MAP1LC3C: variants seen among roughly 807,000 people sequenced by gnomAD.
MAP1LC3C encodes the protein microtubule-associated protein 1 light chain 3 gamma.
A neutral mutation model predicts 10.4 loss-of-function variants in MAP1LC3C; 12 were observed. The ratio of observed to expected loss-of-function variants is 1.15; its 90% CI spans 0.74 to 1.86. The LOEUF is 1.86. Among genes scored for constraint, MAP1LC3C ranks in the 40% most tolerant of loss-of-function variants. The probability of loss-of-function intolerance (pLI) is 0.00; values close to 1 mark genes in which losing one functional copy is unlikely to be tolerated. For missense variants in MAP1LC3C, 177 were observed against 185.7 expected (o/e 0.95, Z 0.27); for synonymous variants, 70 against 69.0 (o/e 1.01, Z -0.07).
chr1:241,997,618 C>T (rs971938716), intron 3 of MAP1LC3C, among the ~76,000 whole-genome samples: 2 of 152,162 alleles, frequency 1.3e-5, no homozygotes, highest in African/African-American at 2.4e-5. Flanking sequence ...ACTTACTCAT[C>T]GGGTATATTT....
At chr1:241,996,505 C>T (rs1241103361) in intron 3 of MAP1LC3C, 120 bp from the exon 4 acceptor site, 3 of 785,150 alleles carry the variant, frequency 3.8e-6, no homozygotes, top group Non-Finnish European at 6.0e-6. Flanking sequence ...TTAGGAACTA[C>T]AAGGCTTCCC....
chr1:241,997,800 G>C (rs1665114286), intron 3 of MAP1LC3C, among the ~76,000 whole-genome samples: 1 of 152,102 alleles, frequency 6.6e-6, no homozygotes, highest in East Asian at 1.9e-4. Context: ...CCTTTGGGGA[G>C]AAGTCCCCAC....
At chr1:241,996,921 A>AAAAAAAAAAAAAAG (rs1558178762) in intron 3 of MAP1LC3C, among the ~76,000 whole-genome samples, 3 of 150,694 alleles carry the variant, frequency 2.0e-5, no homozygotes, top group Admixed American at 1.3e-4. Flanking sequence ...AAAAAAAAAA[A>AAAAAAAAAAAAAAG]AAAAGAAAAG....
In MAP1LC3C at chr1:241,998,542, T is replaced by A. The variant is rs1558179401; in HGVS notation, c.193A>T (p.Thr65Ser). 3 of 1,614,080 alleles carry A rather than the reference T, an allele frequency of 1.9e-6. No homozygotes were observed. The highest frequency in any genetic ancestry group is 1.1e-5 in the South Asian group (1 of 91,056). ...ATGATGCTGAGGAACTGGGTCATGG[T>A]CAGCTCCTGCGGGACCAGGAACTTG... ...KTKFLVPQELTMTQFLSIIRS... is the reference protein window; with the variant it reads ...KTKFLVPQELSMTQFLSIIRS... The change falls in exon 3 of 4, where the codon ACC becomes TCC. Residue 65 changes from threonine to serine, a missense_variant. Thr to Ser is a moderately conservative substitution (Grantham distance 58). Coordinates refer to ENST00000357246, the MANE Select transcript of MAP1LC3C (RefSeq NM_001004343.3).
chr1:241,995,559 A>C lies in MAP1LC3C; in HGVS notation c.*604T>G, dbSNP rs1665067461. On this transcript the variant is annotated 3_prime_UTR_variant, in exon 4 of 4. Transcript: ENST00000357246. ...CCCTCCCACATATACCACAGAAGAC[A>C]CTTAAAATATTATCTCTAGCTCATT... The C allele has an allele frequency of 6.6e-6, 1 of 152,256 alleles. No individual in the cohort carries two copies. Among genetic ancestry groups the C allele is most frequent in the Non-Finnish European group, 1.5e-5 (1 of 68,130 alleles). The allele number at this position is 152,256 out of a possible 1,614,324, so 9.4% of individuals were successfully genotyped here. A position where few individuals can be genotyped will look rare whatever the true frequency, so the allele number is the denominator to read the frequency against.
At chr1:241,999,224 C>T (rs970906041), upstream of MAP1LC3C, 127 of 435,196 alleles carry the variant, frequency 2.9e-4, no homozygotes, top group Non-Finnish European at 3.8e-4. Context: ...AATGGAATCG[C>T]CACCTGCTTG....
chr1:241,999,123 C>G (rs1574237838), upstream of MAP1LC3C: 1 of 1,474,938 alleles, frequency 6.8e-7, no homozygotes. Context: ...GAAGGAGGCC[C>G]TTATGTAGGG....
In MAP1LC3C at chr1:241,995,914, G is replaced by C. The variant is rs1665074196; in HGVS notation, c.*249C>G. 3 of 355,194 alleles carry C rather than the reference G, an allele frequency of 8.4e-6. No homozygotes were observed. The highest frequency in any genetic ancestry group is 1.5e-5 in the Non-Finnish European group (3 of 193,986). The allele number at this position is 355,194 out of a possible 1,614,324, so 22.0% of individuals were successfully genotyped here. ...AGCCTAGGCAATAGAGCAAGACCCT[G>C]TTTCAAAAAAAAAAAAATGATAATT... On this transcript the variant is annotated 3_prime_UTR_variant, in exon 4 of 4. Coordinates refer to ENST00000357246, the MANE Select transcript of MAP1LC3C (RefSeq NM_001004343.3).
Position 241,996,227 on chromosome 1 carries a change from C to A in MAP1LC3C, c.380G>T (p.Cys127Phe). 1 of 1,614,176 alleles carries A rather than the reference C, an allele frequency of 6.2e-7. No homozygotes were observed. The highest frequency in any genetic ancestry group is 8.5e-7 in the Non-Finnish European group (1 of 1,180,024). The change falls in exon 4 of 4, where the codon TGC becomes TTC. Residue 127 changes from cysteine to phenylalanine, a missense_variant. Physicochemically the swap from Cys to Phe is radical, Grantham distance 205. Transcript: ENST00000357246. ...ATCCCTGGGGGCTGCTGACTCCAGG[C>A]AGCCAAATGTCTCCTGGGAGGCGTA... ...MTYASQETFG[C>F]LESAAPRDGS...
intron 3 of MAP1LC3C, among the ~76,000 whole-genome samples, chr1:241,997,487 T>C (rs114557041): frequency 0.19 from 29,595 of 152,046 alleles, 3,001 homozygotes; most frequent in Middle Eastern, 0.34. Context: ...ACCACTGCAC[T>C]CCAGCCTAGG....
chr1:241,998,982 G>A lies in MAP1LC3C; in HGVS notation c.27C>T (p.Ser9=), dbSNP rs778093002. 1.2e-6 allele frequency: 2 copies of A among 1,610,696 alleles called. No individual in the cohort carries two copies. Among genetic ancestry groups the A allele is most frequent in the South Asian group, 1.1e-5 (1 of 90,430 alleles). ...TTTTCCTCTGCTTGAAGGGTCTGAC[G>A]CTTGGGATTTTCTGTGGAGGCGGCA... MPPPQKIP[S]VRPFKQRKSL... The change falls in exon 1 of 4, where the codon AGC becomes AGT. Residue 9 remains serine, a synonymous_variant. Coordinates refer to ENST00000357246, the MANE Select transcript of MAP1LC3C (RefSeq NM_001004343.3).
chr1:241,998,657 C>CGT (rs1467729627), intron 2 of MAP1LC3C, 37 bp from the exon 3 acceptor site: 1 of 1,606,156 alleles, frequency 6.2e-7, no homozygotes, highest in Non-Finnish European at 8.5e-7. Flanking sequence ...TGTGACTCAG[C>CGT]GTGAGTGTTA....
chr1:241,996,909 C>CAAAAAAAAAAA (rs71174887), intron 3 of MAP1LC3C, among the ~76,000 whole-genome samples: 8,792 of 42,374 alleles, frequency 0.21, 2,594 homozygotes, highest in South Asian at 0.23. Context: ...GACTGCGTCT[C>CAAAAAAAAAAA]AAAAAAAAAA....
chr1:241,998,407 C>T (rs1485264036), intron 3 of MAP1LC3C, 107 bp downstream of exon 3: 5 of 851,582 alleles, frequency 5.9e-6, no homozygotes, highest in African/African-American at 1.7e-5. Context: ...TTCCTCTCTT[C>T]CCCTGACGTG....
upstream of MAP1LC3C, chr1:241,999,127 T>C (rs1665148771): frequency 1.4e-6 from 2 of 1,466,108 alleles, no homozygotes; most frequent in Non-Finnish European, 1.8e-6. Flanking sequence ...GAGGCCCTTA[T>C]GTAGGGCTGA....
upstream of MAP1LC3C, among the ~76,000 whole-genome samples, chr1:242,001,159 C>A (rs1397736247): frequency 6.6e-6 from 1 of 152,104 alleles, no homozygotes; most frequent in Non-Finnish European, 1.5e-5. Flanking sequence ...TGCCTGTAAT[C>A]CCAGCTACTA....
intron 3 of MAP1LC3C, among the ~76,000 whole-genome samples, chr1:241,997,785 C>G (rs1460342694): frequency 1.3e-5 from 2 of 151,992 alleles, no homozygotes; most frequent in African/African-American, 2.4e-5. Flanking sequence ...GAGCAGGGAA[C>G]GTTTCCTTTG....
chr1:242,000,293 T>C (rs1238359650), upstream of MAP1LC3C, among the ~76,000 whole-genome samples: 2 of 152,186 alleles, frequency 1.3e-5, no homozygotes, highest in East Asian at 3.8e-4. Context: ...CAGGCTGGAA[T>C]GTAGTGGCAC....
At chr1:242,000,388 C>A (rs1558180120), upstream of MAP1LC3C, among the ~76,000 whole-genome samples, 1 of 152,170 alleles carries the variant, frequency 6.6e-6, no homozygotes, top group Non-Finnish European at 1.5e-5. Flanking sequence ...GACACCATGC[C>A]TGGCTAATTT....
Sources: allele counts gnomAD v4.1 joint callset (sites outside exome capture counted in the v4.1 genomes callset), GRCh38; gene constraint gnomAD v4.1.1; transcripts MANE v1.5; gene names NCBI Gene and HGNC (gene_info 2026-07-23, HGNC 2026-07-21).